The following OAS3 variants were observed in gnomAD, a reference collection of about 807,000 sequenced individuals.
OAS3 encodes the protein 2'-5'-oligoadenylate synthase 3.
Under a neutral mutation model 113.0 loss-of-function variants are expected in OAS3, and 107 were observed. The observed-to-expected ratio is 0.95, with a 90% confidence interval of 0.81 to 1.11. OAS3 has a LOEUF of 1.11. Among genes scored for constraint, OAS3 ranks in the 50% most tolerant of loss-of-function variants. The pLI is 0.00. For missense variants in OAS3, 1,258 were observed against 1,389.1 expected (o/e 0.91, Z 1.50); for synonymous variants, 552 against 573.6 (o/e 0.96, Z 0.54).
intron 3 of OAS3, 35 bp from the exon 4 acceptor site, chr12:112,946,708 T>C: frequency 1.3e-6 from 2 of 1,554,574 alleles, no homozygotes; most frequent in Non-Finnish European, 1.7e-6. Context: ...CCTCCCCTTC[T>C]TCCTTCTGAG....
intron 3 of OAS3, chr12:112,945,068 T>A: frequency 3.5e-6 from 1 of 287,956 alleles, no homozygotes; most frequent in East Asian, 8.8e-5. Flanking sequence ...TCCCAGCACT[T>A]TGAGTGGCCG....
Position 112,948,439 on chromosome 12 carries a change from G to A in OAS3, c.1029+340G>A, listed in dbSNP as rs1295120974. 3.4e-5 allele frequency among the ~76,000 whole-genome samples: 5 copies of A among 146,556 alleles called. No individual in the cohort carries two copies. In the Admixed American group the frequency reaches 3.5e-4, roughly 10 times the overall value. On this transcript the variant is annotated intron_variant, in intron 5 of 15. Coordinates refer to ENST00000228928, the MANE Select transcript of OAS3 (RefSeq NM_006187.4). ...AATTGCTTGAACTAGGGAGGCGGAG[G>A]TTGCAATGAGCTGAGATCACTCCAT...
chr12:112,951,298 T>C (rs985383821), intron 7 of OAS3, among the ~76,000 whole-genome samples: 1 of 152,180 alleles, frequency 6.6e-6, no homozygotes, highest in Non-Finnish European at 1.5e-5. Context: ...TCTCATGTTA[T>C]AATTTTCTTC....
chr12:112,938,527 G>A lies in OAS3; in HGVS notation c.-4G>A. The A allele has an allele frequency of 6.4e-7, 1 of 1,564,682 alleles. No individual in the cohort carries two copies. The highest frequency in any genetic ancestry group is 8.6e-7 in the Non-Finnish European group (1 of 1,158,384). On this transcript the variant is annotated 5_prime_UTR_variant, in exon 1 of 16. Transcript: ENST00000228928. Reference sequence around the variant, plus strand: ...GCTTCCCCTTGCACCTGCGCCGGGCGGCCATGGACTTGTACAGCACCCCGG... The same window carrying A: ...GCTTCCCCTTGCACCTGCGCCGGGCAGCCATGGACTTGTACAGCACCCCGG...
chr12:112,946,252 G>A (rs908721151), intron 3 of OAS3, among the ~76,000 whole-genome samples: 6 of 152,092 alleles, frequency 3.9e-5, no homozygotes, highest in African/African-American at 4.8e-5. Flanking sequence ...TCCCTGGTAC[G>A]TGGAGATCCC....
At chr12:112,945,862 C>A (rs2043723316) in intron 3 of OAS3, among the ~76,000 whole-genome samples, 1 of 152,186 alleles carries the variant, frequency 6.6e-6, no homozygotes, top group Non-Finnish European at 1.5e-5. Flanking sequence ...TATGGTGGCT[C>A]ACGCCTGTGG....
At chr12:112,944,751 C>A in intron 3 of OAS3, 100 bp downstream of exon 3, 2 of 1,258,378 alleles carry the variant, frequency 1.6e-6, no homozygotes, top group Non-Finnish European at 2.3e-6. Context: ...CATTCATGTT[C>A]TCTCTCTGGG....
In OAS3 at chr12:112,954,048, T is replaced by A. The variant is rs377033721; in HGVS notation, c.1657+3073T>A. 2.6e-5 allele frequency among the ~76,000 whole-genome samples: 4 copies of A among 152,204 alleles called. No homozygotes were observed. The East Asian group carries it at 7.7e-4, about 29-fold the overall frequency. Reference sequence around the variant, plus strand: ...GTTGCCATTGCTTTTGGTGTTTTAGTCATGAAGTCCTTGCCCATGCCTATG... The same window carrying A: ...GTTGCCATTGCTTTTGGTGTTTTAGACATGAAGTCCTTGCCCATGCCTATG... On this transcript the variant is annotated intron_variant, in intron 7 of 15. Transcript: ENST00000228928. This position sits in a 1 kb window ranked among gnomAD's most constrained non-coding sequence, Gnocchi z 4.0.
chr12:112,955,014 T>C (rs1285340040), intron 7 of OAS3, among the ~76,000 whole-genome samples: 1 of 152,242 alleles, frequency 6.6e-6, no homozygotes, highest in Non-Finnish European at 1.5e-5. Flanking sequence ...TGGTTTGTAG[T>C]TCTCCTTGAA....
Position 112,962,837 on chromosome 12 carries a change from G to A in OAS3, c.2019G>A (p.Thr673=), listed in dbSNP as rs762202507. ...ATCAGCAGCTCTGTGTCTACTGGACGGTCAACTATAGCACTGAGGACCCAG... is the reference window on the plus strand; with the variant it reads ...ATCAGCAGCTCTGTGTCTACTGGACAGTCAACTATAGCACTGAGGACCCAG... ...QQHQQLCVYW[T]VNYSTEDPAM... is the part of the protein sequence containing the mutation. Residue 673 remains threonine, a synonymous_variant, in exon 9 of 16, where the codon ACG becomes ACA. Transcript: ENST00000228928. 13 of 1,613,986 alleles carry A rather than the reference G, an allele frequency of 8.1e-6. No individual in the cohort carries two copies. Among genetic ancestry groups the A allele is most frequent in the Admixed American group, 3.3e-5 (2 of 60,022 alleles).
Position 112,972,716 on chromosome 12 carries a change from T to TA in OAS3, c.*2748dup, listed in dbSNP as rs2043995835. On this transcript the variant is annotated 3_prime_UTR_variant, in exon 16 of 16. Transcript: ENST00000228928. Reference sequence around the variant, plus strand: ...TCCAAGACTCTGGGGAAAAAAGTAGTAAAAAGCTAAATGCAATCAATCAGC... The same window carrying TA: ...TCCAAGACTCTGGGGAAAAAAGTAGTAAAAAAGCTAAATGCAATCAATCAGC... The TA allele has an allele frequency of 6.6e-6, 1 of 152,086 alleles. No individual in the cohort carries two copies. Among genetic ancestry groups the TA allele is most frequent in the East Asian group, 1.9e-4 (1 of 5,176 alleles). The allele number at this position is 152,086 out of a possible 1,614,324, so 9.4% of individuals were successfully genotyped here.
chr12:112,944,460 C>CGCT lies in OAS3; in HGVS notation c.461-15_461-13dup. The CGCT allele has an allele frequency of 1.2e-6, 2 of 1,613,814 alleles. No homozygotes were observed. Among genetic ancestry groups the CGCT allele is most frequent in the Non-Finnish European group, 1.7e-6 (2 of 1,179,790 alleles). On this transcript the variant is annotated splice_polypyrimidine_tract_variant and intron_variant, in intron 2 of 15. Coordinates refer to ENST00000228928, the MANE Select transcript of OAS3 (RefSeq NM_006187.4). ...CCTCAGTGCCCTCCCTAACTCACAG[C>CGCT]GCTTCACACCAACAGGTCAGGCCGG...
chr12:112,951,051 T>C, intron 7 of OAS3, 76 bp downstream of exon 7: 1 of 1,435,854 alleles, frequency 7.0e-7, no homozygotes, highest in Non-Finnish European at 9.4e-7. Flanking sequence ...CCTGCCATCC[T>C]CTTTGTGATC....
chr12:112,945,457 T>G (rs1391677042), intron 3 of OAS3: 1 of 153,118 alleles, frequency 6.5e-6, no homozygotes, highest in African/African-American at 2.4e-5. Context: ...TGGTATGAGG[T>G]ATATGCGGAG....
chr12:112,950,849 C>T lies in OAS3; in HGVS notation c.1531C>T (p.Gln511Ter). ...RAQLESWWQD[Q>*]VPSLSLQFPE... ...GCAGCTAGAATCCTGGTGGCAGGAC[C>T]AGGTGCCCAGCCTGAGCCTTCAGTT... Residue 511 changes from glutamine (Q) to a stop codon, truncating the protein, a stop_gained, in exon 7 of 16, where the codon CAG becomes TAG. Coordinates refer to ENST00000228928, the MANE Select transcript of OAS3 (RefSeq NM_006187.4). LOFTEE classifies it high-confidence loss of function. 2 of 1,614,046 alleles carry T rather than the reference C, an allele frequency of 1.2e-6. No individual in the cohort carries two copies. The highest frequency in any genetic ancestry group is 1.7e-6 in the Non-Finnish European group (2 of 1,179,900).
At chr12:112,968,428 A>G (rs916501842) in intron 14 of OAS3, among the ~76,000 whole-genome samples, 1 of 152,240 alleles carries the variant, frequency 6.6e-6, no homozygotes, top group African/African-American at 2.4e-5. Flanking sequence ...TAGTATAAGT[A>G]TGCTCGATGC....
chr12:112,961,771 G>T (rs1158346204), intron 8 of OAS3, among the ~76,000 whole-genome samples: 1 of 151,828 alleles, frequency 6.6e-6, no homozygotes, highest in Non-Finnish European at 1.5e-5. Context: ...AGGCTTTTGG[G>T]TTACATCAGC....
At position 112,965,542 on chromosome 12, in the gene OAS3, T is replaced by C. The variant is rs148305366; in HGVS notation, c.2404-202T>C. Reference sequence around the variant, plus strand: ...ATGATGGAATGAGAAATTTTGCATTTGTTGAAGGGTTTAAACTTACCTCTT... The same window carrying C: ...ATGATGGAATGAGAAATTTTGCATTCGTTGAAGGGTTTAAACTTACCTCTT... On this transcript the variant is annotated intron_variant, in intron 11 of 15. Coordinates refer to ENST00000228928, the MANE Select transcript of OAS3 (RefSeq NM_006187.4). Among the ~76,000 whole-genome samples, 113 of 152,358 alleles carry C rather than the reference T, an allele frequency of 7.4e-4. 1 individual carries two copies. In the East Asian group the frequency reaches 0.015, roughly 21 times the overall value.
At chr12:112,949,747 G>A (rs778491047) in intron 6 of OAS3, among the ~76,000 whole-genome samples, 2 of 152,138 alleles carry the variant, frequency 1.3e-5, no homozygotes, top group Admixed American at 6.5e-5. Context: ...GCCCGGGCAC[G>A]GTGGCTCACG....
Sources: allele counts gnomAD v4.1 joint callset (sites outside exome capture counted in the v4.1 genomes callset), GRCh38; gene constraint gnomAD v4.1.1; non-coding constraint Gnocchi (gnomAD v3.1); transcripts MANE v1.5; gene names NCBI Gene and HGNC (gene_info 2026-07-23, HGNC 2026-07-21).